Variants in ARHGAP20 observed in about 807,000 individuals in gnomAD.
ARHGAP20 encodes the protein rho GTPase-activating protein 20.
In ARHGAP20, 34 loss-of-function variants were observed where a neutral mutation model predicts 73.7. The observed-to-expected ratio is 0.46, with a 90% CI of 0.35 to 0.61. The LOEUF is 0.61. ARHGAP20 is among the 20% of genes least tolerant of loss of function. The probability of loss-of-function intolerance (pLI) is 0.00; values close to 1 mark genes in which losing one functional copy is unlikely to be tolerated. For synonymous variants in ARHGAP20, 523 were observed against 518.2 expected (o/e 1.01, Z -0.13); for missense variants, 1,314 against 1,420.9 (o/e 0.92, Z 1.21).
intron 2 of ARHGAP20, among the ~76,000 whole-genome samples, chr11:110,657,373 AATG>A (rs1949489104): frequency 6.6e-6 from 1 of 152,174 alleles, no homozygotes; most frequent in African/African-American, 2.4e-5. Flanking sequence ...AACCTAAAGA[AATG>A]ATTATGTTAA....
intron 9 of ARHGAP20, 88 bp from the exon 10 acceptor site, chr11:110,592,243 T>C: frequency 7.8e-7 from 1 of 1,288,976 alleles, no homozygotes; most frequent in Non-Finnish European, 1.1e-6. Context: ...TGTTTGTTGC[T>C]ATGGCTCAAA....
intron 4 of ARHGAP20, among the ~76,000 whole-genome samples, chr11:110,621,588 T>C (rs1948631001): frequency 6.6e-6 from 1 of 152,172 alleles, no homozygotes; most frequent in African/African-American, 2.4e-5. Flanking sequence ...TTTTCAGTTC[T>C]AGAATTTTCA....
At chr11:110,590,845 C>T (rs1947808749) in intron 10 of ARHGAP20, 36 bp from the exon 11 acceptor site, 1 of 1,588,304 alleles carries the variant, frequency 6.3e-7, no homozygotes, top group African/African-American at 1.3e-5. Flanking sequence ...CAAAATGACA[C>T]TTCCACACAC....
In ARHGAP20 at chr11:110,577,091, T is replaced by G. The variant is rs748186123; in HGVS notation, c.*2279A>C. ...ATTTTATTTAACAGACAGCATGGAC[T>G]TCATACATATCCATTATCAGTGCCT... On this transcript the variant is annotated 3_prime_UTR_variant, in exon 15 of 15. Transcript: ENST00000683387. 4.6e-6 allele frequency: 7 copies of G among 1,526,594 alleles called. No individual in the cohort carries two copies. In the African/African-American group the frequency reaches 8.2e-5, roughly 18 times the overall value. 94.6% of individuals were successfully genotyped at this position (1,526,594 alleles called of 1,614,324 possible). A position where few individuals can be genotyped will look rare whatever the true frequency, so the allele number is the denominator to read the frequency against.
rs182491001 is a variant in ARHGAP20 at position 110,705,827 on chromosome 11, C to T, written c.105+6300G>A. On this transcript the variant is annotated intron_variant, in intron 1 of 14. Coordinates refer to ENST00000683387, the MANE Select transcript of ARHGAP20 (RefSeq NM_001384657.1). ...CCCACACATAACTCTGAAATATACTCTTCTGAGTTTGTCTGGAGAATACGC... is the reference window on the plus strand; with the variant it reads ...CCCACACATAACTCTGAAATATACTTTTCTGAGTTTGTCTGGAGAATACGC... 3.3e-5 allele frequency among the ~76,000 whole-genome samples: 5 copies of T among 152,244 alleles called. No homozygotes were observed. The East Asian group carries it at 5.8e-4, about 18-fold the overall frequency.
chr11:110,699,598 T>C (rs901774540), intron 1 of ARHGAP20, among the ~76,000 whole-genome samples: 1 of 152,034 alleles, frequency 6.6e-6, no homozygotes, highest in Non-Finnish European at 1.5e-5. Context: ...TAGGTGCATA[T>C]ATATTTAAGA....
At chr11:110,672,759 G>A (rs1949854612) in intron 2 of ARHGAP20, among the ~76,000 whole-genome samples, 1 of 152,308 alleles carries the variant, frequency 6.6e-6, no homozygotes, top group African/African-American at 2.4e-5. Flanking sequence ...GAAACAACTG[G>A]AATTCTCATA....
chr11:110,683,105 G>C (rs561495090), intron 2 of ARHGAP20, among the ~76,000 whole-genome samples: 1 of 152,248 alleles, frequency 6.6e-6, no homozygotes, highest in East Asian at 1.9e-4. Flanking sequence ...GTGGTAACAG[G>C]TTGTTACCCA....
intron 11 of ARHGAP20, among the ~76,000 whole-genome samples, chr11:110,586,917 T>C (rs1006682789): frequency 1.3e-5 from 2 of 151,416 alleles, no homozygotes; most frequent in Admixed American, 1.3e-4. Flanking sequence ...CTCTCATATA[T>C]TTGGAGAGAG....
chr11:110,711,800 C>T, intron 1 of ARHGAP20: 1 of 1,344,112 alleles, frequency 7.4e-7, no homozygotes, highest in African/African-American at 1.5e-5. Flanking sequence ...AAGGCGATCG[C>T]CCACTACAGC....
chr11:110,646,929 C>T (rs1317278275), intron 2 of ARHGAP20, among the ~76,000 whole-genome samples: 1 of 151,892 alleles, frequency 6.6e-6, no homozygotes, highest in East Asian at 1.9e-4. Flanking sequence ...AGAGTGGAAG[C>T]ACATAACAGA....
intron 9 of ARHGAP20, among the ~76,000 whole-genome samples, chr11:110,600,677 C>G (rs1948087872): frequency 6.6e-6 from 1 of 152,202 alleles, no homozygotes; most frequent in Admixed American, 6.5e-5. Context: ...AGTGACAACC[C>G]CAAGGTGTTG....
intron 2 of ARHGAP20, among the ~76,000 whole-genome samples, chr11:110,654,064 G>C (rs538006009): frequency 2.6e-5 from 4 of 152,216 alleles, no homozygotes; most frequent in South Asian, 2.1e-4. Flanking sequence ...GTGGTGGAGA[G>C]GGGGAGCATC....
At chr11:110,692,974 G>T (rs1281256552) in intron 1 of ARHGAP20, among the ~76,000 whole-genome samples, 2 of 151,924 alleles carry the variant, frequency 1.3e-5, no homozygotes, top group Non-Finnish European at 2.9e-5. Flanking sequence ...TTTATGAACC[G>T]CAAGTTAAGA....
Position 110,621,074 on chromosome 11 carries a change from C to CAAAAAA in ARHGAP20, c.503+3082_503+3087dup, listed in dbSNP as rs34424855. On this transcript the variant is annotated intron_variant, in intron 4 of 14. Coordinates refer to ENST00000683387, the MANE Select transcript of ARHGAP20 (RefSeq NM_001384657.1). ...GGGCAACAAGAGTAAAACTCCATCTCAAAAAAAAAAAAAAAAAAAAAAAGC... is the reference window on the plus strand; with the variant it reads ...GGGCAACAAGAGTAAAACTCCATCTCAAAAAAAAAAAAAAAAAAAAAAAAAAAAAGC... Among the ~76,000 whole-genome samples, 59 of 46,738 alleles carry CAAAAAA rather than the reference C, an allele frequency of 1.3e-3. 1 individual carries two copies. The highest frequency in any genetic ancestry group is 0.016 in the Middle Eastern group (1 of 62). The allele number at this position is 46,738 out of a possible 152,430, so 30.7% of individuals were successfully genotyped here.
intron 2 of ARHGAP20, among the ~76,000 whole-genome samples, chr11:110,683,254 C>T (rs1950070239): frequency 6.6e-6 from 1 of 151,958 alleles, no homozygotes; most frequent in Admixed American, 6.6e-5. Flanking sequence ...CATAACAATG[C>T]CAATATATAT....
At chr11:110,686,751 T>G (rs1950140091) in intron 2 of ARHGAP20, among the ~76,000 whole-genome samples, 1 of 152,020 alleles carries the variant, frequency 6.6e-6, no homozygotes, top group Non-Finnish European at 1.5e-5. Flanking sequence ...AACTATGGAT[T>G]TGAAAAATAT....
intron 3 of ARHGAP20, among the ~76,000 whole-genome samples, chr11:110,630,079 CCA>C (rs2134955192): frequency 6.6e-6 from 1 of 152,302 alleles, no homozygotes; most frequent in South Asian, 2.1e-4. Context: ...TTGTTATGCT[CCA>C]GTTACACAGG....
At chr11:110,639,751 T>C (rs1246153253) in intron 2 of ARHGAP20, among the ~76,000 whole-genome samples, 1 of 152,058 alleles carries the variant, frequency 6.6e-6, no homozygotes, top group Non-Finnish European at 1.5e-5. Context: ...GTTCATGTTG[T>C]AGCATGTATT....
Sources: gnomAD v4.1 joint callset for allele counts (sites outside exome capture counted in the v4.1 genomes callset) on GRCh38, gnomAD v4.1.1 for gene constraint, MANE v1.5 for transcripts, NCBI Gene and HGNC (gene_info 2026-07-23, HGNC 2026-07-21) for gene names.